The following PRH1 variants were observed in gnomAD, a reference collection of about 807,000 sequenced individuals.
PRH1 encodes the protein salivary acidic proline-rich phosphoprotein 1/2.
Under a neutral mutation model 7.9 loss-of-function variants are expected in PRH1, and 7 were observed. The ratio of observed to expected loss-of-function variants is 0.89; its 90% CI spans 0.50 to 1.67. PRH1 has a LOEUF of 1.67. PRH1 is among the 40% of genes most tolerant of loss of function. PRH1 has a pLI of 0.00. For missense variants in PRH1, 109 were observed against 223.6 expected (o/e 0.49, Z 3.27); for synonymous variants, 45 against 80.8 (o/e 0.56, Z 2.38).
chr12:11,162,441 C>T (rs953755079), intron 1 of PRH1, among the ~76,000 whole-genome samples: 1 of 152,158 alleles, frequency 6.6e-6, no homozygotes, highest in Non-Finnish European at 1.5e-5. Context: ...TATTCCCAGA[C>T]CATGAGGGAC....
intron 1 of PRH1, among the ~76,000 whole-genome samples, chr12:11,041,399 G>A (rs1247375306): frequency 2.6e-5 from 4 of 151,158 alleles, no homozygotes; most frequent in South Asian, 2.1e-4. Flanking sequence ...ACCATATAAC[G>A]ATAAAAGGGT....
chr12:10,980,741 A>G (rs1260329860), intron 1 of PRH1, among the ~76,000 whole-genome samples: 1 of 152,202 alleles, frequency 6.6e-6, no homozygotes, highest in Non-Finnish European at 1.5e-5. Flanking sequence ...TAGAGACAAG[A>G]GAGAACTAGC....
chr12:10,957,861 A>G (rs1244117838), intron 2 of PRH1, among the ~76,000 whole-genome samples: 1 of 152,180 alleles, frequency 6.6e-6, no homozygotes, highest in Non-Finnish European at 1.5e-5. Context: ...CCACAATGAG[A>G]TACTATCTCA....
At chr12:11,046,717 G>A (rs988586837) in intron 1 of PRH1, among the ~76,000 whole-genome samples, 2 of 151,966 alleles carry the variant, frequency 1.3e-5, no homozygotes, top group African/African-American at 4.8e-5. Flanking sequence ...TGGGAGGCTT[G>A]GTCCTATGGG....
At position 11,091,507 on chromosome 12, in the gene PRH1, G is replaced by A; in HGVS notation, n.124-44319C>T. 2 of 1,445,000 alleles carry A rather than the reference G, an allele frequency of 1.4e-6. 1 individual carries two copies. Among genetic ancestry groups the A allele is most frequent in the South Asian group, 2.3e-5 (2 of 88,526 alleles). 89.5% of individuals were successfully genotyped at this position (1,445,000 alleles called of 1,614,324 possible). A position where few individuals can be genotyped will look rare whatever the true frequency, so the allele number is the denominator to read the frequency against. ...AAACTGATATCATTATGGACAGAAA[G>A]TAAATGGCACATAACAAGAGGAAGG... On this transcript the variant is annotated intron_variant and non_coding_transcript_variant, in intron 1 of 4. Coordinates refer to the PRH1 transcript ENST00000541977.
chr12:11,093,151 T>C (rs1285152734), intron 1 of PRH1, among the ~76,000 whole-genome samples: 1 of 116,346 alleles, frequency 8.6e-6, no homozygotes, highest in East Asian at 2.1e-4. Flanking sequence ...TTTTGTAACT[T>C]AATATATATA....
At chr12:11,031,658 C>T (rs986446875) in intron 1 of PRH1, among the ~76,000 whole-genome samples, 2 of 151,982 alleles carry the variant, frequency 1.3e-5, no homozygotes, top group African/African-American at 2.4e-5. Context: ...TTTTTCAATC[C>T]TCCCTGCCAT....
At chr12:11,154,778 A>G (rs1392366664) in intron 1 of PRH1, among the ~76,000 whole-genome samples, 1 of 152,198 alleles carries the variant, frequency 6.6e-6, no homozygotes, top group African/African-American at 2.4e-5. Flanking sequence ...TAAAAATTGC[A>G]TTTCTTCTGG....
chr12:11,154,903 C>A (rs904854678), intron 1 of PRH1, among the ~76,000 whole-genome samples: 1 of 121,190 alleles, frequency 8.3e-6, no homozygotes, highest in African/African-American at 2.8e-5. Flanking sequence ...GAATTTGAGG[C>A]TTCCTGTTTA....
In PRH1 at chr12:11,132,473, A is replaced by G. The variant is rs563917068; in HGVS notation, n.40-11293T>C. 3.9e-5 allele frequency among the ~76,000 whole-genome samples: 6 copies of G among 152,356 alleles called. No homozygotes were observed. The South Asian group carries it at 1.0e-3, about 26-fold the overall frequency. The stretch of plus-strand genomic sequence containing the variant: ...TAGAAAAAATACTAAAATAATTTAC[A>G]TCTGAGCTCAATTTCAAAAAAAGTT... On this transcript the variant is annotated intron_variant and non_coding_transcript_variant, in intron 1 of 1. Transcript: ENST00000541175.
rs756778815 is a variant in PRH1 at position 10,997,444 on chromosome 12, A to T, written c.-125-23723T>A. On this transcript the variant is annotated intron_variant, in intron 1 of 3. Transcript: ENST00000539853. ...CATTTATATACGTGTGTTTCATCAC[A>T]AGGTGACAAACCAAAAAGAACAAAG... 8 of 1,613,750 alleles carry T rather than the reference A, an allele frequency of 5.0e-6. No homozygotes were observed. In the African/African-American group the frequency reaches 6.7e-5, roughly 13 times the overall value.
chr12:10,969,637 CTGTTTTTT>C (rs1176795620), intron 2 of PRH1, among the ~76,000 whole-genome samples: 1 of 151,456 alleles, frequency 6.6e-6, no homozygotes, highest in Non-Finnish European at 1.5e-5. Context: ...TTTGGTTTTT[CTGTTTTTT>C]TGTTTTTTTG....
intron 1 of PRH1, among the ~76,000 whole-genome samples, chr12:11,142,116 C>T (rs1483437179): frequency 6.6e-6 from 1 of 152,068 alleles, no homozygotes; most frequent in African/African-American, 2.4e-5. Flanking sequence ...TTGAGCAGAA[C>T]ACACAAGGTT....
upstream of PRH1, among the ~76,000 whole-genome samples, chr12:11,047,629 T>C (rs1942954968): frequency 6.6e-6 from 1 of 152,166 alleles, no homozygotes; most frequent in South Asian, 2.1e-4. Flanking sequence ...TTCATTCCTA[T>C]TATAGAAATG....
intron 1 of PRH1, among the ~76,000 whole-genome samples, chr12:10,982,848 T>A (rs1939422294): frequency 6.6e-6 from 1 of 152,202 alleles, no homozygotes; most frequent in Non-Finnish European, 1.5e-5. Context: ...CTTTTTACAG[T>A]AAATGGCATG....
intron 2 of PRH1, 142 bp from the exon 3 acceptor site, chr12:10,882,840 C>G: frequency 6.9e-7 from 1 of 1,457,336 alleles, no homozygotes; most frequent in Non-Finnish European, 9.2e-7. Context: ...CCAAGGCTTC[C>G]TAATTAGAAC....
At chr12:10,969,602 G>A (rs1938693033) in intron 2 of PRH1, among the ~76,000 whole-genome samples, 1 of 151,998 alleles carries the variant, frequency 6.6e-6, no homozygotes, top group Non-Finnish European at 1.5e-5. Context: ...TAGCAAACAT[G>A]TCTTCCAGCA....
chr12:11,072,525 A>G (rs1178148157), intron 1 of PRH1, among the ~76,000 whole-genome samples: 1 of 152,246 alleles, frequency 6.6e-6, no homozygotes, highest in Non-Finnish European at 1.5e-5. Flanking sequence ...GGATTGAAAA[A>G]TAATAATCAC....
intron 1 of PRH1, among the ~76,000 whole-genome samples, chr12:11,090,677 A>C (rs1944850395): frequency 8.5e-6 from 1 of 117,904 alleles, no homozygotes; most frequent in Non-Finnish European, 2.0e-5. Flanking sequence ...TCTCACTCAA[A>C]TTCTATTGTG....
Sources: gnomAD v4.1 joint callset for allele counts (sites outside exome capture counted in the v4.1 genomes callset) on GRCh38, gnomAD v4.1.1 for gene constraint, MANE v1.5 for transcripts, NCBI Gene and HGNC (gene_info 2026-07-23, HGNC 2026-07-21) for gene names.